Variants in ENDOV observed in about 807,000 individuals in gnomAD.
The protein encoded by ENDOV is hEndoV.
ENDOV carries 37 observed loss-of-function variants against 39.4 expected under a neutral mutation model. The observed-to-expected ratio is 0.94, with a 90% CI of 0.72 to 1.23. ENDOV has a LOEUF of 1.23. ENDOV is among the 50% of genes most tolerant of loss of function. The pLI is 0.00. For missense variants in ENDOV, 441 were observed against 375.7 expected, an observed-to-expected ratio of 1.17 and a Z score of -1.44; for synonymous variants, 186 against 163.4, an observed-to-expected ratio of 1.14 and a Z score of -1.05.
At chr17:80,419,125 A>G (rs185645466) in intron 2 of ENDOV, among the ~76,000 whole-genome samples, 2 of 149,432 alleles carry the variant, frequency 1.3e-5, no homozygotes, top group Non-Finnish European at 3.0e-5. Context: ...GTGAGCCGAG[A>G]TCGCGTCAGT....
chr17:80,425,210 C>G (rs2082542401), intron 6 of ENDOV, 110 bp downstream of exon 6: 1 of 946,420 alleles, frequency 1.1e-6, no homozygotes, highest in South Asian at 1.6e-5. Context: ...CCACATCAAC[C>G]CCCCGCCTGC....
intron 8 of ENDOV, 102 bp from the exon 9 acceptor site, chr17:80,429,671 G>A: frequency 1.8e-6 from 2 of 1,134,848 alleles, no homozygotes; most frequent in Non-Finnish European, 2.5e-6. Flanking sequence ...CAGGTCCTGA[G>A]TGTCCAGGCC....
intron 5 of ENDOV, 73 bp downstream of exon 5, chr17:80,423,705 C>A: frequency 7.1e-7 from 1 of 1,400,612 alleles, no homozygotes; most frequent in Non-Finnish European, 9.8e-7. Flanking sequence ...GGCATGAGGA[C>A]ACTTCTGGAC....
intron 4 of ENDOV, among the ~76,000 whole-genome samples, chr17:80,423,233 A>C (rs1473879239): frequency 6.6e-6 from 1 of 152,176 alleles, no homozygotes; most frequent in Non-Finnish European, 1.5e-5. Flanking sequence ...AGGTGCAGGA[A>C]ATGACCGGAG....
chr17:80,429,224 T>C (rs1393183737), intron 8 of ENDOV, among the ~76,000 whole-genome samples: 1 of 152,176 alleles, frequency 6.6e-6, no homozygotes, highest in South Asian at 2.1e-4. Context: ...CTAGCAACCT[T>C]GATGTGAGAC....
intron 4 of ENDOV, among the ~76,000 whole-genome samples, chr17:80,422,988 C>A (rs147893158): frequency 1.3e-5 from 2 of 151,472 alleles, no homozygotes; most frequent in South Asian, 2.1e-4. Context: ...CGTGAGCCAC[C>A]GCGCCCGGCC....
At chr17:80,419,416 T>C (rs1426113250) in intron 2 of ENDOV, 1 of 606,458 alleles carries the variant, frequency 1.6e-6, no homozygotes, top group East Asian at 2.8e-5. Flanking sequence ...TGTGTGCTGC[T>C]CCGCAGGCCT....
chr17:80,419,786 A>G (rs2081744474), intron 2 of ENDOV: 1 of 664,330 alleles, frequency 1.5e-6, no homozygotes, highest in Admixed American at 2.1e-5. Context: ...CTCAGAATCA[A>G]ATGCAGGAAC....
chr17:80,430,285 C>G (rs982359396), intron 9 of ENDOV: 1 of 1,500,846 alleles, frequency 6.7e-7, no homozygotes, highest in Non-Finnish European at 8.9e-7. Context: ...CTGCACGACC[C>G]CTGCAGCCTG....
chr17:80,426,956 C>T (rs1173016475), intron 7 of ENDOV, among the ~76,000 whole-genome samples: 1 of 152,254 alleles, frequency 6.6e-6, no homozygotes, highest in Non-Finnish European at 1.5e-5. Flanking sequence ...ACCGCTTGCC[C>T]TGCAGCCTGC....
intron 7 of ENDOV, among the ~76,000 whole-genome samples, chr17:80,426,237 G>A (rs1459645241): frequency 2.6e-5 from 4 of 152,210 alleles, no homozygotes; most frequent in African/African-American, 4.8e-5. Flanking sequence ...CACAAGACAC[G>A]GGTGGATGCT....
At chr17:80,427,926 C>A in intron 7 of ENDOV, 2 of 1,179,708 alleles carry the variant, frequency 1.7e-6, no homozygotes, top group Admixed American at 3.1e-5. Context: ...GGGGGATTAG[C>A]CGTTGCTTTC....
At chr17:80,423,796 TGCATTGCCTGTC>T in intron 5 of ENDOV, 164 bp downstream of exon 5, 1 of 652,614 alleles carries the variant, frequency 1.5e-6, no homozygotes, top group Non-Finnish European at 2.6e-6. Context: ...CTCTGGGTGC[TGCATTGCCTGTC>T]TCAGCTGAGG....
intron 3 of ENDOV, 80 bp from the exon 4 acceptor site, chr17:80,422,126 C>T (rs777010511): frequency 1.3e-6 from 2 of 1,592,058 alleles, no homozygotes; most frequent in African/African-American, 2.7e-5. Context: ...GACAGTGCCC[C>T]CTTCTTGCCT....
intron 1 of ENDOV, 151 bp from the exon 2 acceptor site, chr17:80,415,499 T>C: frequency 8.7e-7 from 1 of 1,143,612 alleles, no homozygotes; most frequent in African/African-American, 1.6e-5. Flanking sequence ...CCTGGGCTCC[T>C]AGGGACTGTG....
chr17:80,420,101 G>C (rs2081794600), intron 2 of ENDOV: 1 of 208,048 alleles, frequency 4.8e-6, no homozygotes, highest in Non-Finnish European at 1.0e-5. Context: ...TGCGCTCTTT[G>C]TGTGCGTGTG....
intron 5 of ENDOV, 76 bp from the exon 6 acceptor site, chr17:80,424,956 A>G: frequency 7.5e-7 from 1 of 1,330,768 alleles, no homozygotes; most frequent in Non-Finnish European, 1.1e-6. Flanking sequence ...CTCCGTCTCA[A>G]AAAATAGAGA....
intron 2 of ENDOV, chr17:80,417,391 A>C (rs2081350742): frequency 6.6e-6 from 1 of 152,260 alleles, no homozygotes; most frequent in Non-Finnish European, 1.5e-5. Context: ...CCACAAGACG[A>C]GGACTTGTCC....
intron 5 of ENDOV, 78 bp downstream of exon 5, chr17:80,423,710 C>G (rs189105681): frequency 2.2e-5 from 30 of 1,363,184 alleles, no homozygotes; most frequent in Non-Finnish European, 2.8e-5. Context: ...GAGGACACTT[C>G]TGGACCAGCC....
Sources: allele counts gnomAD v4.1 joint callset (sites outside exome capture counted in the v4.1 genomes callset), GRCh38; gene constraint gnomAD v4.1.1; transcripts MANE v1.5; gene names NCBI Gene and HGNC (gene_info 2026-07-23, HGNC 2026-07-21).